Variants in LRRTM4 observed in about 807,000 individuals in gnomAD.
LRRTM4 encodes the protein leucine rich repeat transmembrane neuronal 4.
A neutral mutation model predicts 47.6 loss-of-function variants in LRRTM4; 25 were observed. The observed-to-expected ratio is 0.53, with a 90% CI of 0.38 to 0.73. The LOEUF is 0.73. LRRTM4 is among the 30% of genes least tolerant of loss of function. The pLI is 0.00. For missense variants in LRRTM4, 638 were observed against 713.4 expected, an observed-to-expected ratio of 0.89 and a Z score of 1.20; for synonymous variants, 311 against 269.5, an observed-to-expected ratio of 1.15 and a Z score of -1.51.
chr2:77,084,399 C>A (rs1164640786), intron 3 of LRRTM4, among the ~76,000 whole-genome samples: 3 of 152,116 alleles, frequency 2.0e-5, no homozygotes, highest in Non-Finnish European at 4.4e-5. Flanking sequence ...GATTTTATAG[C>A]GGCCTTCAGA....
intron 3 of LRRTM4, among the ~76,000 whole-genome samples, chr2:76,789,910 T>A (rs2103707247): frequency 6.6e-6 from 1 of 152,310 alleles, no homozygotes; most frequent in African/African-American, 2.4e-5. Context: ...CTCCTTCTAT[T>A]TCACTTTTAG....
At chr2:77,142,599 TC>T (rs1672154034) in intron 3 of LRRTM4, among the ~76,000 whole-genome samples, 2 of 152,064 alleles carry the variant, frequency 1.3e-5, no homozygotes, top group South Asian at 4.1e-4. Flanking sequence ...TATATGCTTA[TC>T]CCCCATAAAT....
rs35571093 is a variant in LRRTM4 at position 77,439,705 on chromosome 2, T to A, written c.1551+78613A>T. On this transcript the variant is annotated intron_variant, in intron 3 of 3. Coordinates refer to ENST00000409884, the MANE Select transcript of LRRTM4 (RefSeq NM_001134745.3). The stretch of plus-strand genomic sequence containing the variant: ...TTAATATGTTAAGAAACATATGAAC[T>A]TTTTTGAAACAGCAAAAGAATAATT... Among the ~76,000 whole-genome samples, 1,297 of 152,300 alleles carry A rather than the reference T, an allele frequency of 8.5e-3. 9 individuals carry two copies. Among genetic ancestry groups the A allele is most frequent in the Non-Finnish European group, 0.012 (816 of 68,024 alleles).
At chr2:76,835,569 AT>A (rs1350764569) in intron 3 of LRRTM4, among the ~76,000 whole-genome samples, 1 of 152,052 alleles carries the variant, frequency 6.6e-6, no homozygotes, top group South Asian at 2.1e-4. Flanking sequence ...TTGAAGCAAA[AT>A]AAATGCTCTG....
chr2:77,030,955 G>A (rs1248351492), intron 3 of LRRTM4, among the ~76,000 whole-genome samples: 1 of 152,156 alleles, frequency 6.6e-6, no homozygotes, highest in Admixed American at 6.5e-5. Flanking sequence ...TTTGCAATGT[G>A]TCAATGGCTA....
chr2:76,760,863 T>C (rs774589527), intron 3 of LRRTM4, among the ~76,000 whole-genome samples: 3 of 152,192 alleles, frequency 2.0e-5, no homozygotes, highest in Non-Finnish European at 2.9e-5. Context: ...GCCACCCCGA[T>C]TCAGAAGCCA....
intron 3 of LRRTM4, among the ~76,000 whole-genome samples, chr2:77,234,221 C>T (rs1675044618): frequency 6.6e-6 from 1 of 152,080 alleles, no homozygotes; most frequent in African/African-American, 2.4e-5. Flanking sequence ...GATATATGTC[C>T]TTAATATTTT....
Position 76,809,113 on chromosome 2 carries a change from A to T in LRRTM4, c.1552-60197T>A, listed in dbSNP as rs972405023. 3.3e-5 allele frequency among the ~76,000 whole-genome samples: 5 copies of T among 152,168 alleles called. No homozygotes were observed. The East Asian group carries it at 9.6e-4, about 29-fold the overall frequency. On this transcript the variant is annotated intron_variant, in intron 3 of 3. Coordinates refer to ENST00000409884, the MANE Select transcript of LRRTM4 (RefSeq NM_001134745.3). Reference sequence around the variant, plus strand: ...TACACATGTTTATAGTATAAAAAAAAATTTAGAAAATAGACAAGAAAATGA... The same window carrying T: ...TACACATGTTTATAGTATAAAAAAATATTTAGAAAATAGACAAGAAAATGA...
intron 3 of LRRTM4, among the ~76,000 whole-genome samples, chr2:77,230,296 G>A (rs1250958075): frequency 6.6e-6 from 1 of 152,000 alleles, no homozygotes; most frequent in African/African-American, 2.4e-5. Flanking sequence ...ATAGGTATGA[G>A]ACTGAGCTAA....
chr2:76,796,464 A>C (rs1675332448), intron 3 of LRRTM4, among the ~76,000 whole-genome samples: 1 of 133,276 alleles, frequency 7.5e-6, no homozygotes, highest in Non-Finnish European at 1.6e-5. Context: ...ATGCAGCTGG[A>C]GATCTGAGAA....
intron 3 of LRRTM4, among the ~76,000 whole-genome samples, chr2:77,054,837 CT>C (rs1679549735): frequency 6.6e-6 from 1 of 152,214 alleles, no homozygotes; most frequent in South Asian, 2.1e-4. Flanking sequence ...GCATCAGTGA[CT>C]GGAAAAATTG....
intron 3 of LRRTM4, among the ~76,000 whole-genome samples, chr2:77,218,010 G>C (rs1034557904): frequency 1.3e-5 from 2 of 151,914 alleles, no homozygotes; most frequent in Non-Finnish European, 2.9e-5. Flanking sequence ...TTTTGAGACA[G>C]AGTTTCACTC....
intron 3 of LRRTM4, among the ~76,000 whole-genome samples, chr2:77,017,200 G>A (rs1261261712): frequency 2.0e-5 from 3 of 152,050 alleles, no homozygotes; most frequent in Admixed American, 1.3e-4. Flanking sequence ...GATATCCAAG[G>A]TGGCAAAGAC....
At chr2:76,771,754 C>T (rs1456247787) in intron 3 of LRRTM4, among the ~76,000 whole-genome samples, 1 of 152,066 alleles carries the variant, frequency 6.6e-6, no homozygotes, top group Non-Finnish European at 1.5e-5. Context: ...TTTCTCCTCA[C>T]ATACCCAAGG....
chr2:77,388,485 C>T (rs959392576), intron 3 of LRRTM4, among the ~76,000 whole-genome samples: 7 of 152,028 alleles, frequency 4.6e-5, no homozygotes, highest in Admixed American at 1.3e-4. Flanking sequence ...CACTTTACTG[C>T]GGCCATTAAA....
chr2:76,780,390 A>G (rs1674304005), intron 3 of LRRTM4, among the ~76,000 whole-genome samples: 1 of 152,148 alleles, frequency 6.6e-6, no homozygotes, highest in African/African-American at 2.4e-5. Flanking sequence ...CATCACTTTC[A>G]GGTACACCAA....
At chr2:76,843,790 C>A (rs546346149) in intron 3 of LRRTM4, among the ~76,000 whole-genome samples, 28 of 152,162 alleles carry the variant, frequency 1.8e-4, no homozygotes, top group African/African-American at 6.3e-4. Flanking sequence ...TTCTACAATA[C>A]TACTTATATG....
chr2:77,187,425 G>A (rs1005876500), intron 3 of LRRTM4, among the ~76,000 whole-genome samples: 1 of 144,860 alleles, frequency 6.9e-6, no homozygotes, highest in Non-Finnish European at 1.5e-5. Context: ...ATATTACAAT[G>A]AGAACACATG....
intron 3 of LRRTM4, among the ~76,000 whole-genome samples, chr2:77,461,447 G>A (rs1218762863): frequency 1.3e-5 from 2 of 151,962 alleles, no homozygotes; most frequent in Non-Finnish European, 2.9e-5. Context: ...TTCCTGCCAT[G>A]GAAGAGATTA....
Sources: allele counts gnomAD v4.1 joint callset (sites outside exome capture counted in the v4.1 genomes callset), GRCh38; gene constraint gnomAD v4.1.1; transcripts MANE v1.5; gene names NCBI Gene and HGNC (gene_info 2026-07-23, HGNC 2026-07-21).